The following ST3GAL2 variants were observed in gnomAD, a reference collection of about 807,000 sequenced individuals.
The protein encoded by ST3GAL2 is CMP-N-acetylneuraminate-beta-galactosamide-alpha-2,3-sialyltransferase 2.
In ST3GAL2, 16 loss-of-function variants were observed where a neutral mutation model predicts 37.5. That is an observed-to-expected ratio of 0.43 (90% CI 0.29 to 0.65). ST3GAL2 has a LOEUF of 0.65. Ranked by LOEUF, ST3GAL2 falls within the 30% of genes least tolerant of loss-of-function variation. The pLI, the probability that ST3GAL2 is intolerant of heterozygous loss-of-function variation, is 0.17. For synonymous variants in ST3GAL2, 238 were observed against 202.9 expected, an observed-to-expected ratio of 1.17 and a Z score of -1.47; for missense variants, 383 against 487.8, an observed-to-expected ratio of 0.79 and a Z score of 2.02.
intron 1 of ST3GAL2, among the ~76,000 whole-genome samples, chr16:70,411,943 G>T (rs1241767177): frequency 6.6e-6 from 1 of 151,080 alleles, no homozygotes; most frequent in Non-Finnish European, 1.5e-5. Context: ...GCGGTGAGCC[G>T]AGATCACCCC....
intron 1 of ST3GAL2, among the ~76,000 whole-genome samples, chr16:70,420,267 A>C (rs1002208719): frequency 2.6e-5 from 4 of 152,108 alleles, no homozygotes; most frequent in African/African-American, 7.2e-5. Context: ...TTCGTGGGCT[A>C]AACTGGCCTG....
intron 3 of ST3GAL2, among the ~76,000 whole-genome samples, chr16:70,391,249 G>A (rs1597558308): frequency 6.6e-6 from 1 of 152,122 alleles, no homozygotes; most frequent in Non-Finnish European, 1.5e-5. Context: ...GCTTTGGGGT[G>A]GGAGGTCTCA....
chr16:70,387,074 C>T lies in ST3GAL2; in HGVS notation c.713+1293G>A, dbSNP rs113743065. On this transcript the variant is annotated intron_variant, in intron 4 of 6. Coordinates refer to ENST00000342907, the MANE Select transcript of ST3GAL2 (RefSeq NM_006927.4). Reference sequence around the variant, plus strand: ...TTTGAGACCAGCCTGGCCAACATAGCGAAACCCCATCTCTACTAAAAATAC... The same window carrying T: ...TTTGAGACCAGCCTGGCCAACATAGTGAAACCCCATCTCTACTAAAAATAC... 7.2e-4 allele frequency among the ~76,000 whole-genome samples: 109 copies of T among 152,152 alleles called. 1 individual carries two copies. Among genetic ancestry groups the T allele is most frequent in the African/African-American group, 2.4e-3 (99 of 41,526 alleles).
At chr16:70,393,728 G>C (rs1412382144) in intron 3 of ST3GAL2, 1 of 152,162 alleles carries the variant, frequency 6.6e-6, no homozygotes, top group Non-Finnish European at 1.5e-5. Context: ...CCGGGGTCCT[G>C]GACAGGGTCC....
chr16:70,431,985 A>ATATATATATTTTTT (rs1454729972), intron 1 of ST3GAL2, among the ~76,000 whole-genome samples: 30 of 139,054 alleles, frequency 2.2e-4, no homozygotes, highest in African/African-American at 8.3e-4. Flanking sequence ...ATATATATAT[A>ATATATATATTTTTT]TTTTTTTTTA....
In ST3GAL2 at chr16:70,381,401, G is replaced by GA; in HGVS notation, c.*287dup. ...CTAACCCAAAGCATGAGGGAGTGGG[G>GA]ATTGAGCGGCCGCTGGCCCGCCCCC... On this transcript the variant is annotated 3_prime_UTR_variant, in exon 7 of 7. Coordinates refer to ENST00000342907, the MANE Select transcript of ST3GAL2 (RefSeq NM_006927.4). 2.4e-6 allele frequency: 1 copy of GA among 420,996 alleles called. No individual in the cohort carries two copies. Among genetic ancestry groups the GA allele is most frequent in the Non-Finnish European group, 4.3e-6 (1 of 231,264 alleles). The allele number at this position is 420,996 out of a possible 1,614,324, so 26.1% of individuals were successfully genotyped here.
At chr16:70,414,554 C>G (rs1027249709) in intron 1 of ST3GAL2, among the ~76,000 whole-genome samples, 4 of 152,202 alleles carry the variant, frequency 2.6e-5, no homozygotes, top group African/African-American at 9.7e-5. Context: ...CCCCAGTCTG[C>G]CAGCACAGGC....
At chr16:70,413,728 C>T (rs1370372826) in intron 1 of ST3GAL2, among the ~76,000 whole-genome samples, 2 of 149,358 alleles carry the variant, frequency 1.3e-5, no homozygotes, top group Non-Finnish European at 3.0e-5. Context: ...AAAAGCGAAA[C>T]TCCATCTCAA....
intron 1 of ST3GAL2, among the ~76,000 whole-genome samples, chr16:70,404,613 C>T (rs1313069812): frequency 1.3e-5 from 2 of 152,146 alleles, no homozygotes; most frequent in African/African-American, 4.8e-5. Flanking sequence ...TGAAATGGTG[C>T]AGTCGCTTTG....
chr16:70,419,302 G>C (rs151296845), intron 1 of ST3GAL2, among the ~76,000 whole-genome samples: 16 of 152,290 alleles, frequency 1.1e-4, no homozygotes, highest in Admixed American at 7.8e-4. Context: ...TTGAAGGACT[G>C]GACTTAAAAA....
intron 1 of ST3GAL2, among the ~76,000 whole-genome samples, chr16:70,419,421 C>T (rs1051034811): frequency 2.0e-5 from 3 of 152,144 alleles, no homozygotes; most frequent in Non-Finnish European, 4.4e-5. Flanking sequence ...AGACAGGGGC[C>T]CCGGCAGCAG....
chr16:70,438,799 A>T (rs965654685), intron 1 of ST3GAL2, 150 bp downstream of exon 1: 1 of 151,878 alleles, frequency 6.6e-6, no homozygotes, highest in Non-Finnish European at 1.5e-5. Flanking sequence ...CACACGAGGG[A>T]GCCCGGCGCC....
In ST3GAL2 at chr16:70,377,518, CAA is replaced by C. The variant is rs1003530159; in HGVS notation, c.*4169_*4170del. ...AAAAAGAGAAAAGCCTCCATCGTGA[CAA>C]AGGGGTTAAATAAGCAACCAGAGGC... On this transcript the variant is annotated 3_prime_UTR_variant, in exon 7 of 7. Coordinates refer to ENST00000342907, the MANE Select transcript of ST3GAL2 (RefSeq NM_006927.4). 2 of 148,318 alleles carry C rather than the reference CAA, an allele frequency of 1.3e-5. No individual in the cohort carries two copies. The highest frequency in any genetic ancestry group is 5.0e-5 in the African/African-American group (2 of 40,008). The allele number at this position is 148,318 out of a possible 1,614,324, so 9.2% of individuals were successfully genotyped here. A position where few individuals can be genotyped will look rare whatever the true frequency, so the allele number is the denominator to read the frequency against.
At chr16:70,394,184 G>A (rs2151661600) in intron 3 of ST3GAL2, among the ~76,000 whole-genome samples, 1 of 152,264 alleles carries the variant, frequency 6.6e-6, no homozygotes, top group African/African-American at 2.4e-5. Flanking sequence ...CTCACGGCTG[G>A]GCATAGAGGT....
rs978301918 is a variant in ST3GAL2 at position 70,413,560 on chromosome 16, C to CAAA, written c.-1003-14030_-1003-14028dup. Among the ~76,000 whole-genome samples, 104 of 32,078 alleles carry CAAA rather than the reference C, an allele frequency of 3.2e-3. 7 individuals are homozygous for CAAA. Among genetic ancestry groups the CAAA allele is most frequent in the African/African-American group, 5.0e-3 (91 of 18,168 alleles). The allele number at this position is 32,078 out of a possible 152,430, so 21.0% of individuals were successfully genotyped here. A position where few individuals can be genotyped will look rare whatever the true frequency, so the allele number is the denominator to read the frequency against. On this transcript the variant is annotated intron_variant, in intron 1 of 6. Coordinates refer to ENST00000342907, the MANE Select transcript of ST3GAL2 (RefSeq NM_006927.4). ...GAGAAACCCGTCTCTATCAAAAATA[C>CAAA]AAAAAAAAAAAAAAAAAAAAAAAAA...
In ST3GAL2 at chr16:70,389,075, C is replaced by CAAA. The variant is rs77375368; in HGVS notation, c.534-532_534-530dup. On this transcript the variant is annotated intron_variant, in intron 3 of 6. Coordinates refer to ENST00000342907, the MANE Select transcript of ST3GAL2 (RefSeq NM_006927.4). ...GGTGACAGAACAAGACTCTTGTCTC[C>CAAA]AAAAAAAAAAAAAAAAAAGGTTGGC... 7.9e-3 allele frequency among the ~76,000 whole-genome samples: 421 copies of CAAA among 53,264 alleles called. 5 individuals carry two copies. Among genetic ancestry groups the CAAA allele is most frequent in the African/African-American group, 0.026 (394 of 15,016 alleles). 34.9% of individuals were successfully genotyped at this position (53,264 alleles called of 152,430 possible).
At chr16:70,402,471 C>T (rs184393502) in intron 1 of ST3GAL2, among the ~76,000 whole-genome samples, 5 of 151,952 alleles carry the variant, frequency 3.3e-5, no homozygotes, top group African/African-American at 1.2e-4. Flanking sequence ...CTAAAAAATA[C>T]GCAAAGCTAA....
chr16:70,387,235 A>C (rs2047449451), intron 4 of ST3GAL2, among the ~76,000 whole-genome samples: 1 of 151,862 alleles, frequency 6.6e-6, no homozygotes, highest in African/African-American at 2.4e-5. Flanking sequence ...CAGTCTGGGC[A>C]ACGGAATGAG....
chr16:70,410,531 GC>G (rs2047630518), intron 1 of ST3GAL2, among the ~76,000 whole-genome samples: 1 of 151,620 alleles, frequency 6.6e-6, no homozygotes. Flanking sequence ...GGGATTACAG[GC>G]GAGAGCCAAC....
Sources: allele counts gnomAD v4.1 joint callset (sites outside exome capture counted in the v4.1 genomes callset), GRCh38; gene constraint gnomAD v4.1.1; transcripts MANE v1.5; gene names NCBI Gene and HGNC (gene_info 2026-07-23, HGNC 2026-07-21).